ARHGAP12: variants seen among roughly 807,000 people sequenced by gnomAD.
ARHGAP12 encodes the protein Rho GTPase activating protein 12.
ARHGAP12 carries 64 observed loss-of-function variants against 108.6 expected under a neutral mutation model. That is an observed-to-expected ratio of 0.59 (90% confidence interval 0.48 to 0.73). The LOEUF (loss-of-function observed/expected upper bound fraction) is 0.73, where lower values mean the gene tolerates loss of function less well. Among genes scored for constraint, ARHGAP12 ranks in the 30% least tolerant of loss-of-function variants. ARHGAP12 has a pLI of 0.00. For synonymous variants in ARHGAP12, 312 were observed against 337.2 expected, an observed-to-expected ratio of 0.93 and a Z score of 0.82; for missense variants, 940 against 1,005.9, an observed-to-expected ratio of 0.93 and a Z score of 0.89.
At chr10:31,881,856 T>C (rs1837970943) in intron 3 of ARHGAP12, among the ~76,000 whole-genome samples, 1 of 151,556 alleles carries the variant, frequency 6.6e-6, no homozygotes, top group African/African-American at 2.4e-5. Context: ...GTTCACAGAA[T>C]AGGAGAAATA....
chr10:31,823,268 A>G (rs931730000), intron 11 of ARHGAP12, among the ~76,000 whole-genome samples: 3 of 152,172 alleles, frequency 2.0e-5, no homozygotes, highest in African/African-American at 7.2e-5. Context: ...AGTGAGAAAA[A>G]AACAAATACA....
intron 3 of ARHGAP12, among the ~76,000 whole-genome samples, chr10:31,877,835 T>A (rs998755954): frequency 6.6e-6 from 1 of 152,220 alleles, no homozygotes; most frequent in African/African-American, 2.4e-5. Flanking sequence ...CGCCTGCCTA[T>A]AATTCCAGTA....
At chr10:31,903,828 G>A (rs567323883) in intron 3 of ARHGAP12, among the ~76,000 whole-genome samples, 1 of 151,624 alleles carries the variant, frequency 6.6e-6, no homozygotes, top group East Asian at 1.9e-4. Context: ...TCAATGAAGA[G>A]GATATATCAA....
At chr10:31,896,127 A>G (rs1038124080) in intron 3 of ARHGAP12, among the ~76,000 whole-genome samples, 8 of 152,098 alleles carry the variant, frequency 5.3e-5, no homozygotes, top group African/African-American at 1.9e-4. Flanking sequence ...ATTAGGAGAT[A>G]TACCTAACGT....
intron 1 of ARHGAP12, among the ~76,000 whole-genome samples, chr10:31,922,180 CAAA>C (rs56210740): frequency 6.1e-5 from 4 of 66,108 alleles, no homozygotes; most frequent in African/African-American, 1.9e-4. Flanking sequence ...GACCCTGCCT[CAAA>C]AAAAAAAAAA....
rs1157102823 is a variant in ARHGAP12, at chr10:31,808,268, G to C, written c.2366+381C>G. On this transcript the variant is annotated intron_variant, in intron 19 of 19. Transcript: ENST00000344936. The stretch of plus-strand genomic sequence containing the variant: ...TGGGATTTTTTGTTTTAGTATTCTA[G>C]TGTACTTTCTATCAGATGAAAGAAC... Among the ~76,000 whole-genome samples, 10 of 151,332 alleles carry C rather than the reference G, an allele frequency of 6.6e-5. No homozygotes were observed. The East Asian group carries it at 1.5e-3, about 23-fold the overall frequency.
chr10:31,867,118 G>GT (rs1323433083), intron 3 of ARHGAP12, among the ~76,000 whole-genome samples: 6,096 of 138,446 alleles, frequency 0.044, 405 homozygotes, highest in African/African-American at 0.14. Context: ...TCTTTTTTTT[G>GT]TTTTTTTTTT....
At chr10:31,893,708 A>T (rs1321829326) in intron 3 of ARHGAP12, among the ~76,000 whole-genome samples, 1 of 152,158 alleles carries the variant, frequency 6.6e-6, no homozygotes, top group Non-Finnish European at 1.5e-5. Context: ...ACTATTCCAA[A>T]CAACAGAAAA....
intron 3 of ARHGAP12, among the ~76,000 whole-genome samples, chr10:31,901,077 G>A (rs569706643): frequency 1.3e-5 from 2 of 151,862 alleles, no homozygotes; most frequent in South Asian, 4.2e-4. Context: ...AATTAGCTGG[G>A]CACGGTGGTG....
At chr10:31,831,173 G>A (rs1835818955) in intron 10 of ARHGAP12, among the ~76,000 whole-genome samples, 1 of 152,122 alleles carries the variant, frequency 6.6e-6, no homozygotes, top group Admixed American at 6.5e-5. Flanking sequence ...AAATAATGGG[G>A]AAATAAACTA....
Position 31,852,568 on chromosome 10 carries a change from T to C in ARHGAP12, c.1119A>G (p.Arg373=), listed in dbSNP as rs543249438. 6.2e-7 allele frequency: 1 copy of C among 1,613,352 alleles called. No individual in the cohort carries two copies. Among genetic ancestry groups the C allele is most frequent in the Admixed American group, 1.7e-5 (1 of 60,004 alleles). ...KWLKHVDDQG[R]QYYYSADGSR... is the part of the protein sequence containing the mutation. ...ATCCGTCTGCACTGTAGTAATATTG[T>C]CTACCTTGATCATCAACATGCTTGA... Residue 373 remains arginine, a synonymous_variant, in exon 6 of 20, where the codon AGA becomes AGG. Transcript: ENST00000344936.
intron 13 of ARHGAP12, among the ~76,000 whole-genome samples, chr10:31,815,145 G>GA (rs1459307253): frequency 2.7e-5 from 4 of 148,636 alleles, no homozygotes; most frequent in African/African-American, 7.5e-5. Context: ...AAGAAAGAAA[G>GA]AAAAAAAAGA....
At chr10:31,865,142 T>C (rs1042463617) in intron 3 of ARHGAP12, among the ~76,000 whole-genome samples, 1 of 152,198 alleles carries the variant, frequency 6.6e-6, no homozygotes, top group Non-Finnish European at 1.5e-5. Context: ...TTGAAGGTCA[T>C]GTTGCAAAGC....
intron 6 of ARHGAP12, among the ~76,000 whole-genome samples, chr10:31,844,516 C>A (rs1158603429): frequency 6.6e-6 from 1 of 152,036 alleles, no homozygotes; most frequent in Non-Finnish European, 1.5e-5. Flanking sequence ...GTTGCAGCAT[C>A]TCAGATGACA....
rs371492831 is a variant in ARHGAP12, at chr10:31,856,024, A to C, written c.949-1818T>G. On this transcript the variant is annotated intron_variant, in intron 4 of 19. Coordinates refer to ENST00000344936, the MANE Select transcript of ARHGAP12 (RefSeq NM_018287.7). The stretch of plus-strand genomic sequence containing the variant: ...CCTAATAACTCCATTCAAAGGTGTA[A>C]CCAATTCAGTAACTTTGGGATGTAT... 1.3e-3 allele frequency among the ~76,000 whole-genome samples: 191 copies of C among 152,276 alleles called. 2 individuals are homozygous for C. The Middle Eastern group carries it at 0.014, about 11-fold the overall frequency.
chr10:31,822,711 T>C (rs1004044290), intron 11 of ARHGAP12, among the ~76,000 whole-genome samples: 1 of 152,154 alleles, frequency 6.6e-6, no homozygotes, highest in African/African-American at 2.4e-5. Context: ...TGCTGAGTAG[T>C]ATCTTCTGGT....
At chr10:31,850,201 G>A (rs1836621422) in intron 6 of ARHGAP12, among the ~76,000 whole-genome samples, 3 of 152,066 alleles carry the variant, frequency 2.0e-5, no homozygotes, top group African/African-American at 4.8e-5. Flanking sequence ...CTGTCAAGCG[G>A]AACAAAAAAC....
intron 3 of ARHGAP12, among the ~76,000 whole-genome samples, chr10:31,876,304 G>A (rs1434742977): frequency 2.0e-5 from 3 of 152,154 alleles, no homozygotes; most frequent in Non-Finnish European, 4.4e-5. Context: ...AATCACCTGA[G>A]GTCAGGCGGT....
At chr10:31,858,810 A>G (rs1241719431) in intron 4 of ARHGAP12, among the ~76,000 whole-genome samples, 2 of 152,208 alleles carry the variant, frequency 1.3e-5, no homozygotes, top group Non-Finnish European at 2.9e-5. Flanking sequence ...ACCCACAACA[A>G]CAGGGAGGAC....
Sources: gnomAD v4.1 joint callset for allele counts (sites outside exome capture counted in the v4.1 genomes callset) on GRCh38, gnomAD v4.1.1 for gene constraint, MANE v1.5 for transcripts, NCBI Gene and HGNC (gene_info 2026-07-23, HGNC 2026-07-21) for gene names.